Variants in GPD2 observed in about 807,000 individuals in gnomAD.
The protein encoded by GPD2 is glycerol-3-phosphate dehydrogenase 2.
Under a neutral mutation model 82.4 loss-of-function variants are expected in GPD2, and 54 were observed. The observed-to-expected ratio is 0.66, with a 90% CI of 0.53 to 0.82. The LOEUF is 0.82. Among genes scored for constraint, GPD2 ranks in the 40% least tolerant of loss-of-function variants. GPD2 has a pLI of 0.00. For missense variants in GPD2, 748 were observed against 896.2 expected, an observed-to-expected ratio of 0.83 and a Z score of 2.11; for synonymous variants, 288 against 306.1, an observed-to-expected ratio of 0.94 and a Z score of 0.62.
At chr2:156,507,094 ACCTCCG>A (rs1409954253) in intron 3 of GPD2, among the ~76,000 whole-genome samples, 17 of 151,540 alleles carry the variant, frequency 1.1e-4, no homozygotes, top group Non-Finnish European at 1.2e-4. Flanking sequence ...GCTCACTGCA[ACCTCCG>A]CCTCCTGGGT....
chr2:156,539,301 C>G (rs574011340), intron 6 of GPD2, among the ~76,000 whole-genome samples: 1 of 152,246 alleles, frequency 6.6e-6, no homozygotes, highest in East Asian at 1.9e-4. Context: ...ATAGATGAAA[C>G]AGACTCTGAT....
intron 6 of GPD2, among the ~76,000 whole-genome samples, chr2:156,524,051 T>C (rs1180750883): frequency 1.3e-5 from 2 of 152,188 alleles, no homozygotes; most frequent in African/African-American, 4.8e-5. Context: ...TATTATTGCT[T>C]AATGGTGACG....
intron 6 of GPD2, among the ~76,000 whole-genome samples, chr2:156,535,204 G>A (rs562314593): frequency 1.3e-5 from 2 of 151,972 alleles, no homozygotes; most frequent in African/African-American, 4.8e-5. Flanking sequence ...GGTACTCAGG[G>A]TGCAGAAAAC....
chr2:156,525,588 T>C (rs1012103630), intron 6 of GPD2, among the ~76,000 whole-genome samples: 4 of 152,250 alleles, frequency 2.6e-5, no homozygotes, highest in Admixed American at 1.3e-4. Flanking sequence ...TCAAATTTAG[T>C]ATTACATGGT....
chr2:156,550,341 G>T (rs1015393911), intron 7 of GPD2, among the ~76,000 whole-genome samples: 1 of 152,150 alleles, frequency 6.6e-6, no homozygotes, highest in African/African-American at 2.4e-5. Context: ...GTGCTTTGAC[G>T]CTGGGCACTT....
chr2:156,460,242 G>C (rs1184030474), intron 1 of GPD2, among the ~76,000 whole-genome samples: 2 of 152,130 alleles, frequency 1.3e-5, no homozygotes, highest in Non-Finnish European at 1.5e-5. Flanking sequence ...AGAACAGTAC[G>C]ATCCTAGCCC....
At position 156,549,744 on chromosome 2, in the gene GPD2, C is replaced by T. The variant is rs374915379; in HGVS notation, c.798C>T (p.Ser266=). Residue 266 remains serine (S), a synonymous_variant, in exon 7 of 17, where the codon AGC becomes AGT. Transcript: ENST00000438166. The part of the protein sequence containing the change: ...TDPQTGKVRV[S]GARCKDVLTG... ...CCCAGACAGGGAAAGTGCGTGTGAG[C>T]GGCGCACGGTGCAAGGATGTCCTCA... 4.3e-5 allele frequency: 70 copies of T among 1,613,650 alleles called. No homozygotes were observed. Among genetic ancestry groups the T allele is most frequent in the African/African-American group, 1.5e-4 (11 of 74,932 alleles).
intron 4 of GPD2, among the ~76,000 whole-genome samples, chr2:156,511,378 C>G (rs536412877): frequency 2.6e-5 from 4 of 152,310 alleles, no homozygotes; most frequent in Middle Eastern, 3.4e-3. Flanking sequence ...TTATGTCACA[C>G]TTTATTGTGT....
intron 2 of GPD2, among the ~76,000 whole-genome samples, chr2:156,482,400 T>TTA (rs1353913782): frequency 6.6e-6 from 1 of 152,182 alleles, no homozygotes; most frequent in Non-Finnish European, 1.5e-5. Context: ...CTATGTAGGC[T>TTA]TATATGAATT....
chr2:156,426,549 C>T, the GPD2 span, among the ~76,000 whole-genome samples: 1 of 152,198 alleles, frequency 6.6e-6, no homozygotes, highest in Non-Finnish European at 1.5e-5. Flanking sequence ...CTAACCATCA[C>T]TCCTGTATCC....
At chr2:156,459,947 G>T (rs142546012) in intron 1 of GPD2, among the ~76,000 whole-genome samples, 129 of 152,170 alleles carry the variant, frequency 8.5e-4, no homozygotes, top group African/African-American at 2.9e-3. Flanking sequence ...ACTAGGTGAG[G>T]TCAGGCCTGA....
At chr2:156,513,522 C>A in intron 6 of GPD2, 26 bp downstream of exon 6, 1 of 1,533,238 alleles carries the variant, frequency 6.5e-7, no homozygotes, top group Non-Finnish European at 9.0e-7. Context: ...TTTTTTTTTC[C>A]TCACAAGATA....
chr2:156,577,810 C>G (rs907342070), intron 13 of GPD2, among the ~76,000 whole-genome samples: 1 of 152,204 alleles, frequency 6.6e-6, no homozygotes, highest in Admixed American at 6.5e-5. Flanking sequence ...TGCTGTGGCT[C>G]TCTTCTCCAC....
At chr2:156,442,808 A>G (rs955350025) in intron 1 of GPD2, among the ~76,000 whole-genome samples, 1 of 152,196 alleles carries the variant, frequency 6.6e-6, no homozygotes, top group Admixed American at 6.5e-5. Flanking sequence ...CAAAAAAATA[A>G]AAAAGTAATA....
At chr2:156,531,202 A>G (rs990209397) in intron 6 of GPD2, among the ~76,000 whole-genome samples, 1 of 152,184 alleles carries the variant, frequency 6.6e-6, no homozygotes, top group African/African-American at 2.4e-5. Context: ...CCAAATATGC[A>G]TAGTTTTAAT....
chr2:156,465,894 C>G (rs1683136490), intron 1 of GPD2, among the ~76,000 whole-genome samples: 1 of 152,138 alleles, frequency 6.6e-6, no homozygotes, highest in Non-Finnish European at 1.5e-5. Flanking sequence ...CTCCTCAAGG[C>G]AGATTTAAAG....
At chr2:156,459,686 C>A (rs1286416673) in intron 1 of GPD2, among the ~76,000 whole-genome samples, 12 of 38,774 alleles carry the variant, frequency 3.1e-4, no homozygotes, top group African/African-American at 4.2e-4. Flanking sequence ...GACTCCGTCT[C>A]AAAAAAAAAA....
chr2:156,470,609 GAGGCC>G (rs1305784474), intron 1 of GPD2, among the ~76,000 whole-genome samples: 1 of 152,236 alleles, frequency 6.6e-6, no homozygotes, highest in African/African-American at 2.4e-5. Context: ...AGAGATTTCA[GAGGCC>G]AGGAAGTGCG....
At chr2:156,515,592 A>G (rs1237723689) in intron 6 of GPD2, among the ~76,000 whole-genome samples, 1 of 152,222 alleles carries the variant, frequency 6.6e-6, no homozygotes, top group Non-Finnish European at 1.5e-5. Flanking sequence ...TCATGAGGAA[A>G]AAGAATTCTT....
Sources: allele counts gnomAD v4.1 joint callset (sites outside exome capture counted in the v4.1 genomes callset), GRCh38; gene constraint gnomAD v4.1.1; transcripts MANE v1.5; gene names NCBI Gene and HGNC (gene_info 2026-07-23, HGNC 2026-07-21).